The following THEMIS variants were observed in gnomAD, a reference collection of about 807,000 sequenced individuals.
The protein encoded by THEMIS is protein THEMIS.
A neutral mutation model predicts 52.6 loss-of-function variants in THEMIS; 37 were observed. That is an observed-to-expected ratio of 0.70 (90% CI 0.54 to 0.93). The LOEUF is 0.93. Among genes scored for constraint, THEMIS ranks in the 40% least tolerant of loss-of-function variants. THEMIS has a pLI of 0.00. For missense variants in THEMIS, 808 were observed against 763.1 expected (o/e 1.06, Z -0.69); for synonymous variants, 292 against 272.7 (o/e 1.07, Z -0.70).
intron 1 of THEMIS, among the ~76,000 whole-genome samples, chr6:127,899,306 G>A (rs958806608): frequency 2.6e-5 from 4 of 151,768 alleles, no homozygotes; most frequent in African/African-American, 9.7e-5. Flanking sequence ...AGGAAAAAAG[G>A]ATTGAAAACA....
intron 4 of THEMIS, among the ~76,000 whole-genome samples, chr6:127,801,130 C>T (rs1221253462): frequency 6.6e-6 from 1 of 152,176 alleles, no homozygotes; most frequent in East Asian, 1.9e-4. Flanking sequence ...TTTGACATTC[C>T]TGATACATGC....
chr6:127,851,297 A>G (rs927095484), intron 2 of THEMIS, among the ~76,000 whole-genome samples: 3 of 151,568 alleles, frequency 2.0e-5, no homozygotes, highest in Non-Finnish European at 4.4e-5. Context: ...AAGAAACTTA[A>G]TACACTTCAA....
chr6:127,896,941 A>ATGT (rs1214895714), intron 1 of THEMIS, among the ~76,000 whole-genome samples: 30 of 151,630 alleles, frequency 2.0e-4, no homozygotes, highest in Middle Eastern at 6.8e-3. Flanking sequence ...ATTATTTAAG[A>ATGT]CAGGAAAAAT....
chr6:127,837,008 C>A (rs1778893794), intron 2 of THEMIS, among the ~76,000 whole-genome samples: 2 of 152,122 alleles, frequency 1.3e-5, no homozygotes, highest in African/African-American at 4.8e-5. Flanking sequence ...AAGAGCACAG[C>A]ATTTGGAGCT....
At chr6:127,704,923 A>G (rs1317200449), downstream of THEMIS, among the ~76,000 whole-genome samples, 7 of 152,346 alleles carry the variant, frequency 4.6e-5, no homozygotes, top group South Asian at 6.2e-4. Context: ...CAGAGGCCCA[A>G]ATGGATTACT....
At chr6:127,728,923 C>G (rs1233392971) in intron 4 of THEMIS, among the ~76,000 whole-genome samples, 1 of 152,152 alleles carries the variant, frequency 6.6e-6, no homozygotes, top group Non-Finnish European at 1.5e-5. Flanking sequence ...GAGCAAAGAT[C>G]TGAATTAAAA....
chr6:127,794,312 T>C (rs886262622), intron 4 of THEMIS, among the ~76,000 whole-genome samples: 1 of 152,200 alleles, frequency 6.6e-6, no homozygotes, highest in Non-Finnish European at 1.5e-5. Context: ...CCCTTTAAGA[T>C]GTAAGTCAGT....
chr6:127,733,518 G>C (rs1774882183), intron 4 of THEMIS, among the ~76,000 whole-genome samples: 1 of 152,162 alleles, frequency 6.6e-6, no homozygotes, highest in Non-Finnish European at 1.5e-5. Context: ...TCCAGCCTCA[G>C]AGACACTCAG....
chr6:127,877,251 T>C (rs1476173863), intron 1 of THEMIS, among the ~76,000 whole-genome samples: 1 of 152,222 alleles, frequency 6.6e-6, no homozygotes, highest in Non-Finnish European at 1.5e-5. Flanking sequence ...TAAAACTTTC[T>C]TATCAGCAAT....
intron 3 of THEMIS, among the ~76,000 whole-genome samples, chr6:127,819,142 A>C (rs1464951540): frequency 6.7e-6 from 1 of 149,786 alleles, no homozygotes; most frequent in African/African-American, 2.4e-5. Flanking sequence ...AAAAAAAAAA[A>C]AAAAAAAGAA....
Position 127,825,789 on chromosome 6 carries a change from G to C in THEMIS, c.709+3687C>G, listed in dbSNP as rs187507812. 3.4e-3 allele frequency among the ~76,000 whole-genome samples: 520 copies of C among 152,216 alleles called. 7 individuals carry two copies. Among genetic ancestry groups the C allele is most frequent in the Admixed American group, 0.031 (474 of 15,292 alleles). ...AAAAGGTAGCCTTCCTGATAGTTTGGGTTCTTTGAAAAATTACACTGAGTG... is the reference window on the plus strand; with the variant it reads ...AAAAGGTAGCCTTCCTGATAGTTTGCGTTCTTTGAAAAATTACACTGAGTG... On this transcript the variant is annotated intron_variant, in intron 3 of 5. Coordinates refer to ENST00000368248, the MANE Select transcript of THEMIS (RefSeq NM_001010923.3).
intron 1 of THEMIS, among the ~76,000 whole-genome samples, chr6:127,916,803 A>G (rs1447753499): frequency 6.6e-6 from 1 of 152,246 alleles, no homozygotes; most frequent in Non-Finnish European, 1.5e-5. Context: ...AAGGACCTCA[A>G]ATAATGTACT....
intron 1 of THEMIS, among the ~76,000 whole-genome samples, chr6:127,887,210 G>C (rs1780672751): frequency 6.6e-6 from 1 of 152,010 alleles, no homozygotes; most frequent in South Asian, 2.1e-4. Context: ...AATTAAAAAT[G>C]GGTGAATGAT....
intron 4 of THEMIS, among the ~76,000 whole-genome samples, chr6:127,777,281 A>T (rs1366959633): frequency 2.0e-5 from 3 of 151,610 alleles, no homozygotes; most frequent in Non-Finnish European, 4.4e-5. Flanking sequence ...TTTTATCTAC[A>T]CAATTATCTT....
rs567066273 is a variant in THEMIS, at chr6:127,870,994, A to T, written c.92-15806T>A. Among the ~76,000 whole-genome samples the T allele has an allele frequency of 9.2e-5, 14 of 152,296 alleles. No homozygotes were observed. In the South Asian group the frequency reaches 2.7e-3, roughly 29 times the overall value. ...CACAACATCATCAAACAACATAATCAAATCTTCCTTTATAGAACACTTTAC... is the reference window on the plus strand; with the variant it reads ...CACAACATCATCAAACAACATAATCTAATCTTCCTTTATAGAACACTTTAC... On this transcript the variant is annotated intron_variant, in intron 1 of 5. Transcript: ENST00000368248.
chr6:127,893,462 T>G (rs958941941), intron 1 of THEMIS, among the ~76,000 whole-genome samples: 2 of 152,188 alleles, frequency 1.3e-5, no homozygotes, highest in African/African-American at 4.8e-5. Context: ...AAAGGACAAA[T>G]GTTCAATGTT....
chr6:127,909,605 T>C (rs1319403083), intron 1 of THEMIS, among the ~76,000 whole-genome samples: 1 of 152,122 alleles, frequency 6.6e-6, no homozygotes, highest in Non-Finnish European at 1.5e-5. Flanking sequence ...TGGGTATCCT[T>C]ATAGCAGCAT....
At chr6:127,914,339 T>C (rs1318807270) in intron 1 of THEMIS, among the ~76,000 whole-genome samples, 1 of 152,200 alleles carries the variant, frequency 6.6e-6, no homozygotes, top group Non-Finnish European at 1.5e-5. Context: ...ATAGTTTTTC[T>C]TTTTCTTGCC....
chr6:127,753,122 G>C (rs1314580953), intron 4 of THEMIS, among the ~76,000 whole-genome samples: 1 of 151,782 alleles, frequency 6.6e-6, no homozygotes, highest in South Asian at 2.1e-4. Context: ...ATCCCATCAT[G>C]ATTTAAAAAA....
Sources: allele counts gnomAD v4.1 joint callset (sites outside exome capture counted in the v4.1 genomes callset), GRCh38; gene constraint gnomAD v4.1.1; transcripts MANE v1.5; gene names NCBI Gene and HGNC (gene_info 2026-07-23, HGNC 2026-07-21).